The following RUFY1 variants were observed in gnomAD, a reference collection of about 807,000 sequenced individuals.
The protein encoded by RUFY1 is RUN and FYVE domain-containing protein 1.
Under a neutral mutation model 94.6 loss-of-function variants are expected in RUFY1, and 54 were observed. The ratio of observed to expected loss-of-function variants is 0.57; its 90% CI spans 0.46 to 0.72. The LOEUF (loss-of-function observed/expected upper bound fraction) is 0.72, where lower values mean the gene tolerates loss of function less well. Among genes scored for constraint, RUFY1 ranks in the 30% least tolerant of loss-of-function variants. The pLI is 0.00. For synonymous variants in RUFY1, 396 were observed against 347.3 expected (o/e 1.14, Z -1.56); for missense variants, 883 against 883.9 (o/e 1.00, Z 0.01).
At chr5:179,568,751 G>A (rs1489542614) in intron 4 of RUFY1, among the ~76,000 whole-genome samples, 1 of 152,140 alleles carries the variant, frequency 6.6e-6, no homozygotes, top group Non-Finnish European at 1.5e-5. Context: ...CACACACAGT[G>A]GCCTGGATGC....
intron 6 of RUFY1, among the ~76,000 whole-genome samples, chr5:179,579,482 C>T (rs1428868423): frequency 1.3e-5 from 2 of 151,810 alleles, no homozygotes; most frequent in African/African-American, 4.8e-5. Context: ...AGGCGCCCGC[C>T]ACCTCACCTG....
intron 1 of RUFY1, among the ~76,000 whole-genome samples, chr5:179,554,517 C>G (rs918427351): frequency 2.6e-5 from 4 of 150,952 alleles, no homozygotes; most frequent in Non-Finnish European, 4.4e-5. Flanking sequence ...GCTAGGGCAA[C>G]AAGAGCAAAA....
Position 179,603,178 on chromosome 5 carries a change from T to TC in RUFY1, c.1856+1193dup, listed in dbSNP as rs979688464. Among the ~76,000 whole-genome samples the TC allele has an allele frequency of 4.0e-5, 6 of 151,874 alleles. No individual in the cohort carries two copies. The East Asian group carries it at 9.7e-4, about 25-fold the overall frequency. Reference sequence around the variant, plus strand: ...TACTCGGGAGGCTGAGACAGCAGCATCGCTTGAACCCGGGAGGCAGAGGTT... The same window carrying TC: ...TACTCGGGAGGCTGAGACAGCAGCATCCGCTTGAACCCGGGAGGCAGAGGTT... On this transcript the variant is annotated intron_variant, in intron 15 of 17. Transcript: ENST00000319449.
At chr5:179,567,196 C>T (rs1043721079) in intron 3 of RUFY1, among the ~76,000 whole-genome samples, 1 of 152,184 alleles carries the variant, frequency 6.6e-6, no homozygotes. Flanking sequence ...ACAAATCTAA[C>T]CTGATATTTT....
At chr5:179,558,989 C>T in intron 1 of RUFY1, among the ~76,000 whole-genome samples, 1 of 152,212 alleles carries the variant, frequency 6.6e-6, no homozygotes, top group Non-Finnish European at 1.5e-5. Flanking sequence ...GAAATACTAG[C>T]AGAGAATAAA....
chr5:179,568,954 A>G (rs1763027086), intron 4 of RUFY1: 2 of 783,140 alleles, frequency 2.6e-6, no homozygotes, highest in African/African-American at 1.9e-5. Flanking sequence ...TATCAGCATA[A>G]GTGGAGAAGT....
chr5:179,567,616 A>G, intron 4 of RUFY1, 54 bp downstream of exon 4: 1 of 1,328,548 alleles, frequency 7.5e-7, no homozygotes, highest in South Asian at 1.2e-5. Flanking sequence ...ATTAGAACAT[A>G]GGCTGGGTGC....
intron 5 of RUFY1, 29 bp downstream of exon 5, chr5:179,569,454 C>T (rs762217969): frequency 8.1e-6 from 13 of 1,610,780 alleles, no homozygotes; most frequent in Non-Finnish European, 8.5e-7. Context: ...TCTAGATGAA[C>T]ACTTTCGTTA....
intron 1 of RUFY1, among the ~76,000 whole-genome samples, chr5:179,557,408 C>A (rs1045052833): frequency 6.6e-6 from 1 of 152,144 alleles, no homozygotes. Context: ...CCAGCCTGGA[C>A]AACAAGAGCA....
intron 1 of RUFY1, 56 bp downstream of exon 1, chr5:179,550,935 G>T: frequency 9.7e-7 from 1 of 1,026,178 alleles, no homozygotes; most frequent in Non-Finnish European, 1.2e-6. Flanking sequence ...GCTGGCCGCC[G>T]GCGCGGGCGC....
chr5:179,581,072 A>G (rs1361962323), intron 7 of RUFY1, 60 bp downstream of exon 7: 3 of 1,077,244 alleles, frequency 2.8e-6, no homozygotes, highest in Non-Finnish European at 4.2e-6. Flanking sequence ...TCATTGCTTC[A>G]TGGAACTTCG....
chr5:179,585,688 C>T (rs1219239970), intron 7 of RUFY1, 108 bp from the exon 8 acceptor site: 2 of 788,322 alleles, frequency 2.5e-6, no homozygotes, highest in Non-Finnish European at 2.2e-6. Flanking sequence ...GACCCTCTGC[C>T]TTTCCATTTC....
Position 179,577,788 on chromosome 5 carries a change from CGGAGTT to C in RUFY1, c.890+656_890+661del, listed in dbSNP as rs1462004194. Among the ~76,000 whole-genome samples, 13 of 144,744 alleles carry C rather than the reference CGGAGTT, an allele frequency of 9.0e-5. No homozygotes were observed. The East Asian group carries it at 2.6e-3, about 29-fold the overall frequency. The allele number at this position is 144,744 out of a possible 152,430, so 95.0% of individuals were successfully genotyped here. ...CGGGCGGCGGAGGCGGTGGGAGCGC[CGGAGTT>C]GGATGTGCGCACATCGGGTGGTGTC... is the stretch of plus-strand genomic sequence containing the variant. On this transcript the variant is annotated intron_variant, in intron 6 of 17. Coordinates refer to ENST00000319449, the MANE Select transcript of RUFY1 (RefSeq NM_025158.5).
At chr5:179,602,939 C>T (rs1455011944) in intron 15 of RUFY1, among the ~76,000 whole-genome samples, 2 of 152,218 alleles carry the variant, frequency 1.3e-5, no homozygotes, top group Admixed American at 6.5e-5. Context: ...TCAGCACAGC[C>T]TGGTCTGCAC....
At chr5:179,580,312 G>A (rs1430852303) in intron 6 of RUFY1, among the ~76,000 whole-genome samples, 3 of 148,912 alleles carry the variant, frequency 2.0e-5, no homozygotes, top group African/African-American at 7.4e-5. Context: ...GCGCCATCTC[G>A]GCTCACTGCA....
chr5:179,565,894 C>T (rs1762794633), intron 3 of RUFY1, among the ~76,000 whole-genome samples: 1 of 152,068 alleles, frequency 6.6e-6, no homozygotes, highest in Non-Finnish European at 1.5e-5. Context: ...ATAATCCCAA[C>T]ACTTTGAGAG....
At position 179,560,275 on chromosome 5, in the gene RUFY1, C is replaced by T; in HGVS notation, c.484+77C>T. The T allele has an allele frequency of 2.0e-6, 3 of 1,516,154 alleles. No individual in the cohort carries two copies. In the South Asian group the frequency reaches 3.8e-5, roughly 19 times the overall value. 93.9% of individuals were successfully genotyped at this position (1,516,154 alleles called of 1,614,324 possible). ...TCAGCATTTTTTCATCAGCGCCAGA[C>T]ATCCTTCTAGATGCTGAAATGCCAG... On this transcript the variant is annotated intron_variant, in intron 2 of 17. Transcript: ENST00000319449.
intron 17 of RUFY1, among the ~76,000 whole-genome samples, chr5:179,609,077 G>A (rs1767427489): frequency 6.6e-6 from 1 of 151,786 alleles, no homozygotes; most frequent in African/African-American, 2.4e-5. Flanking sequence ...AAATTAGCCA[G>A]GTATAGTGGC....
intron 5 of RUFY1, 84 bp from the exon 6 acceptor site, chr5:179,576,991 A>T: frequency 1.3e-5 from 12 of 948,708 alleles, no homozygotes; most frequent in Non-Finnish European, 2.1e-5. Context: ...AAGAGATAAG[A>T]ATGAAATACC....
Sources: gnomAD v4.1 joint callset for allele counts (sites outside exome capture counted in the v4.1 genomes callset) on GRCh38, gnomAD v4.1.1 for gene constraint, MANE v1.5 for transcripts, NCBI Gene and HGNC (gene_info 2026-07-23, HGNC 2026-07-21) for gene names.